Variants in NUP35 observed in about 807,000 individuals in gnomAD.
The protein encoded by NUP35 is nucleoporin NUP35.
In NUP35, 25 loss-of-function variants were observed where a neutral mutation model predicts 41.5. The observed-to-expected ratio is 0.60, with a 90% CI of 0.44 to 0.84. The LOEUF (loss-of-function observed/expected upper bound fraction) is 0.84, where lower values mean the gene tolerates loss of function less well. Ranked by LOEUF, NUP35 falls within the 40% of genes least tolerant of loss-of-function variation. NUP35 has a pLI of 0.00. For synonymous variants in NUP35, 149 were observed against 130.7 expected, an observed-to-expected ratio of 1.14 and a Z score of -0.96; for missense variants, 396 against 396.6, an observed-to-expected ratio of 1.00 and a Z score of 0.01.
intron 4 of NUP35, among the ~76,000 whole-genome samples, chr2:183,150,422 A>T (rs181011065): frequency 6.6e-6 from 1 of 152,082 alleles, no homozygotes; most frequent in South Asian, 2.1e-4. Flanking sequence ...TCTTGCGTTC[A>T]TCTAAGACCA....
At chr2:183,158,154 G>T in intron 6 of NUP35, 129 bp from the exon 7 acceptor site, 2 of 642,066 alleles carry the variant, frequency 3.1e-6, no homozygotes, top group Non-Finnish European at 2.4e-6. Flanking sequence ...GAACTTTACA[G>T]CTTTTTACAA....
chr2:183,122,221 C>G (rs1700078812), upstream of NUP35, among the ~76,000 whole-genome samples: 2 of 152,116 alleles, frequency 1.3e-5, no homozygotes, highest in Admixed American at 1.3e-4. Context: ...GGATTACAGG[C>G]ATGTGCCACC....
At chr2:183,132,534 G>A (rs186860949) in intron 3 of NUP35, among the ~76,000 whole-genome samples, 1 of 152,084 alleles carries the variant, frequency 6.6e-6, no homozygotes, top group Non-Finnish European at 1.5e-5. Context: ...CTCAGCCTGG[G>A]TGACAGAGTG....
chr2:183,124,309 A>G, upstream of NUP35: 1 of 1,507,292 alleles, frequency 6.6e-7, no homozygotes, highest in Non-Finnish European at 8.9e-7. Context: ...CTATTCCAAA[A>G]TGGCTCCGGC....
rs550184630 is a variant in NUP35 at position 183,154,199 on chromosome 2, T to G, written c.539+2550T>G. 1.1e-3 allele frequency among the ~76,000 whole-genome samples: 166 copies of G among 152,332 alleles called. 2 individuals carry two copies. The highest frequency in any genetic ancestry group is 3.9e-3 in the African/African-American group (163 of 41,576). On this transcript the variant is annotated intron_variant, in intron 5 of 8. Coordinates refer to ENST00000295119, the MANE Select transcript of NUP35 (RefSeq NM_138285.5). Reference sequence around the variant, plus strand: ...TGGGCCTCCAGGCCTATGATGGGATTGGCTGTCTTGAAGGGCTCTGACATG... The same window carrying G: ...TGGGCCTCCAGGCCTATGATGGGATGGGCTGTCTTGAAGGGCTCTGACATG...
chr2:183,127,273 C>A (rs1283998296), intron 1 of NUP35, among the ~76,000 whole-genome samples: 3 of 147,178 alleles, frequency 2.0e-5, no homozygotes, highest in Non-Finnish European at 4.5e-5. Context: ...AATGATGATT[C>A]TTTAATTTTT....
chr2:183,118,631 A>T (rs914137683), intron 1 of NUP35: 1 of 152,230 alleles, frequency 6.6e-6, no homozygotes, highest in Non-Finnish European at 1.5e-5. Flanking sequence ...ATATGTTGTC[A>T]GCGGCAAATC....
At chr2:183,156,773 G>A (rs77337259) in intron 5 of NUP35, among the ~76,000 whole-genome samples, 6,899 of 151,844 alleles carry the variant, frequency 0.045, 245 homozygotes, top group South Asian at 0.15. Flanking sequence ...GATTGGTAGT[G>A]GTTATTGTTT....
intron 4 of NUP35, among the ~76,000 whole-genome samples, chr2:183,142,573 C>T (rs1476676488): frequency 6.6e-6 from 1 of 151,888 alleles, no homozygotes; most frequent in Non-Finnish European, 1.5e-5. Context: ...CCTGCCTCCC[C>T]AGGTTCAAGT....
chr2:183,133,523 A>G (rs16824018), intron 3 of NUP35, 43 bp from the exon 4 acceptor site: 81,402 of 1,489,402 alleles, frequency 0.055, 2,834 homozygotes, highest in South Asian at 0.14. Context: ...TACTGTATTT[A>G]TGTTTTGCAT....
At position 183,155,466 on chromosome 2, in the gene NUP35, C is replaced by T. The variant is rs368661920; in HGVS notation, c.540-1978C>T. On this transcript the variant is annotated intron_variant, in intron 5 of 8. Transcript: ENST00000295119. ...GGGTAAAAAGCGGGTCATTGCATTC[C>T]GTTGTTCTCTAGAAAGTCCATACTC... is the stretch of plus-strand genomic sequence containing the variant. Among the ~76,000 whole-genome samples, 54 of 152,088 alleles carry T rather than the reference C, an allele frequency of 3.6e-4. 1 individual carries two copies. The South Asian group carries it at 7.3e-3, about 20-fold the overall frequency.
chr2:183,124,376 C>A, upstream of NUP35: 2 of 1,612,746 alleles, frequency 1.2e-6, no homozygotes, highest in South Asian at 2.2e-5. Flanking sequence ...TAAGGTAGCA[C>A]GCCGTTACCC....
At chr2:183,127,501 A>C (rs1684536653) in intron 1 of NUP35, among the ~76,000 whole-genome samples, 1 of 152,214 alleles carries the variant, frequency 6.6e-6, no homozygotes, top group African/African-American at 2.4e-5. Flanking sequence ...TTTCTGAGTT[A>C]GGGTGCTAGT....
At chr2:183,121,991 T>C (rs1358288662), upstream of NUP35, among the ~76,000 whole-genome samples, 1 of 150,468 alleles carries the variant, frequency 6.6e-6, no homozygotes, top group South Asian at 2.1e-4. Flanking sequence ...TATGTATACA[T>C]GTGTAAAGGC....
At chr2:183,130,339 G>A in intron 2 of NUP35, 79 bp from the exon 3 acceptor site, 1 of 1,382,552 alleles carries the variant, frequency 7.2e-7, no homozygotes, top group Non-Finnish European at 9.7e-7. Flanking sequence ...TTTTAAGTCA[G>A]TATTTCAAAA....
chr2:183,119,105 G>A (rs547265180), intron 1 of NUP35, among the ~76,000 whole-genome samples: 3 of 152,052 alleles, frequency 2.0e-5, no homozygotes, highest in African/African-American at 7.2e-5. Context: ...GGATCTTATC[G>A]GGAAGCTGCC....
chr2:183,149,766 C>T (rs1685400103), intron 4 of NUP35, among the ~76,000 whole-genome samples: 1 of 152,168 alleles, frequency 6.6e-6, no homozygotes, highest in Non-Finnish European at 1.5e-5. Flanking sequence ...GGAATTCCAA[C>T]TAACCTTCTG....
intron 4 of NUP35, among the ~76,000 whole-genome samples, chr2:183,137,754 C>A (rs1437187294): frequency 6.6e-6 from 1 of 151,454 alleles, no homozygotes; most frequent in African/African-American, 2.4e-5. Context: ...GATTGCACCA[C>A]TGCACGCGAG....
intron 4 of NUP35, among the ~76,000 whole-genome samples, chr2:183,137,810 A>G (rs184150374): frequency 2.6e-4 from 40 of 152,132 alleles, no homozygotes; most frequent in African/African-American, 9.2e-4. Context: ...AGGCAAAAAC[A>G]CATAATGTTA....
Sources: allele counts gnomAD v4.1 joint callset (sites outside exome capture counted in the v4.1 genomes callset), GRCh38; gene constraint gnomAD v4.1.1; transcripts MANE v1.5; gene names NCBI Gene and HGNC (gene_info 2026-07-23, HGNC 2026-07-21).